The following SCNN1B variants were observed in gnomAD, a reference collection of about 807,000 sequenced individuals.
SCNN1B encodes sodium channel epithelial 1 subunit beta, also known as epithelial sodium channel subunit beta.
In SCNN1B, 46 loss-of-function variants were observed where a neutral mutation model predicts 65.3. The observed-to-expected ratio is 0.70, with a 90% CI of 0.56 to 0.90. SCNN1B has a LOEUF of 0.90. Ranked by LOEUF, SCNN1B falls within the 40% of genes least tolerant of loss-of-function variation. The pLI is 0.00. For synonymous variants in SCNN1B, 349 were observed against 330.6 expected (o/e 1.06, Z -0.60); for missense variants, 751 against 830.5 (o/e 0.90, Z 1.18).
At chr16:23,365,620 A>AGAAAGAAAGAGAAAGAAAGAAAGAAAG (rs11399911) in intron 4 of SCNN1B, among the ~76,000 whole-genome samples, 3 of 80,502 alleles carry the variant, frequency 3.7e-5, no homozygotes, top group African/African-American at 1.3e-4. Flanking sequence ...AAAGAAAGAA[A>AGAAAGAAAGAGAAAGAAAGAAAGAAAG]AAAGAAAGAA....
In SCNN1B at chr16:23,380,277, A is replaced by C; in HGVS notation, c.1542+108A>C. ...CTATGAAGGAATTAGGAAGATCCCT[A>C]AGACAGTCCCAAGTTATTCCCCTGG... is the stretch of plus-strand genomic sequence containing the variant. On this transcript the variant is annotated intron_variant, in intron 12 of 12. Transcript: ENST00000343070. This position sits in a 1 kb window ranked among gnomAD's most constrained non-coding sequence, Gnocchi z 5.4. 1 of 1,495,552 alleles carries C rather than the reference A, an allele frequency of 6.7e-7. No homozygotes were observed. Among genetic ancestry groups the C allele is most frequent in the Non-Finnish European group, 9.3e-7 (1 of 1,073,994 alleles). The allele number at this position is 1,495,552 out of a possible 1,614,324, so 92.6% of individuals were successfully genotyped here.
intron 1 of SCNN1B, among the ~76,000 whole-genome samples, chr16:23,329,763 C>G (rs1387880138): frequency 6.6e-6 from 1 of 152,126 alleles, no homozygotes; most frequent in Non-Finnish European, 1.5e-5. Flanking sequence ...TTTTTCCATA[C>G]TGGGGGTCAT....
Position 23,362,704 on chromosome 16 carries a change from TG to T in SCNN1B, c.777-5150del, listed in dbSNP as rs72654333. The stretch of plus-strand genomic sequence containing the variant: ...GGCACGCACGTGGAGACCAAGAGCA[TG>T]GCGCGGGCAGGAGGGGACCTGGCCA... On this transcript the variant is annotated intron_variant, in intron 4 of 12. Transcript: ENST00000343070. Among the ~76,000 whole-genome samples, 656 of 152,332 alleles carry T rather than the reference TG, an allele frequency of 4.3e-3. 4 individuals carry two copies. Among genetic ancestry groups the T allele is most frequent in the African/African-American group, 0.015 (624 of 41,572 alleles).
At chr16:23,287,881 G>A (rs1399069266) in intron 2 of SCNN1B, among the ~76,000 whole-genome samples, 1 of 150,038 alleles carries the variant, frequency 6.7e-6, no homozygotes, top group Non-Finnish European at 1.5e-5. Flanking sequence ...CTGGGTTGAA[G>A]CAGTGACTCA....
chr16:23,345,850 T>G (rs1359084364), intron 1 of SCNN1B, among the ~76,000 whole-genome samples: 2 of 151,480 alleles, frequency 1.3e-5, no homozygotes, highest in Admixed American at 6.6e-5. Flanking sequence ...GGGGTGAGGG[T>G]CCAGCCTGAA....
intron 5 of SCNN1B, among the ~76,000 whole-genome samples, 186 bp downstream of exon 5, chr16:23,368,145 C>T (rs1235915897): frequency 1.3e-5 from 2 of 152,196 alleles, no homozygotes; most frequent in Non-Finnish European, 2.9e-5. Context: ...CTCAGCCATT[C>T]CCGCCCACAA....
chr16:23,343,439 CAA>C (rs1206703551), intron 1 of SCNN1B, among the ~76,000 whole-genome samples: 1 of 118,314 alleles, frequency 8.5e-6, no homozygotes, highest in Admixed American at 1.0e-4. Context: ...GCAACAAGAG[CAA>C]AAGTTTGCCA....
chr16:23,281,490 T>G (rs1479151112), intron 1 of SCNN1B, among the ~76,000 whole-genome samples: 1 of 152,168 alleles, frequency 6.6e-6, no homozygotes, highest in Admixed American at 6.5e-5. Context: ...ACATAACAGC[T>G]GTTCAGTAAA....
intron 10 of SCNN1B, 105 bp downstream of exon 10, chr16:23,377,491 C>G: frequency 4.2e-6 from 4 of 953,904 alleles, no homozygotes; most frequent in Non-Finnish European, 6.7e-6. Context: ...GCCTTTTTCC[C>G]TCCCTCCTTC....
intron 1 of SCNN1B, among the ~76,000 whole-genome samples, chr16:23,280,462 A>AC (rs1045005836): frequency 3.3e-4 from 50 of 152,058 alleles, no homozygotes; most frequent in Admixed American, 1.5e-3. Context: ...CAAGCAATCC[A>AC]CCTGCCTTGG....
rs570415382 is a variant in SCNN1B at position 23,360,030 on chromosome 16, C to T, written c.776+4541C>T. 1.1e-4 allele frequency among the ~76,000 whole-genome samples: 16 copies of T among 151,876 alleles called. No homozygotes were observed. The South Asian group carries it at 2.7e-3, about 26-fold the overall frequency. On this transcript the variant is annotated intron_variant, in intron 4 of 12. Transcript: ENST00000343070. ...CCAGCCTGGCAAACATAGTGAAACC[C>T]CATCTCTACTAAAAATACAAAAATT...
chr16:23,333,107 AAGGGAGGGAGGGAGGG>A (rs199830141), intron 1 of SCNN1B, among the ~76,000 whole-genome samples: 31 of 106,906 alleles, frequency 2.9e-4, no homozygotes, highest in Admixed American at 2.3e-3. Context: ...GGAAGGAAGG[AAGGGAGGGAGGGAGGG>A]AGGGAGGGAG....
At chr16:23,358,644 T>C (rs1220521855) in intron 4 of SCNN1B, 1 of 152,240 alleles carries the variant, frequency 6.6e-6, no homozygotes, top group Non-Finnish European at 1.5e-5. Context: ...CAGTGGCTCA[T>C]GCCTATAATC....
intron 2 of SCNN1B, among the ~76,000 whole-genome samples, chr16:23,288,222 T>G (rs1441323685): frequency 6.6e-6 from 1 of 152,060 alleles, no homozygotes; most frequent in Non-Finnish European, 1.5e-5. Flanking sequence ...AGCTAGGATA[T>G]ATCTATAAAA....
At chr16:23,331,539 C>T (rs1224906268) in intron 1 of SCNN1B, among the ~76,000 whole-genome samples, 1 of 151,878 alleles carries the variant, frequency 6.6e-6, no homozygotes, top group Non-Finnish European at 1.5e-5. Flanking sequence ...AGGCTGGTCT[C>T]GAACTCTTGA....
In SCNN1B at chr16:23,381,102, G is replaced by A; in HGVS notation, c.*301G>A. 2.2e-6 allele frequency: 1 copy of A among 455,146 alleles called. No homozygotes were observed. The highest frequency in any genetic ancestry group is 2.3e-5 in the South Asian group (1 of 44,130). 28.2% of individuals were successfully genotyped at this position (455,146 alleles called of 1,614,324 possible). A position where few individuals can be genotyped will look rare whatever the true frequency, so the allele number is the denominator to read the frequency against. On this transcript the variant is annotated 3_prime_UTR_variant, in exon 13 of 13. Transcript: ENST00000343070. ...CTCGGAACACCCTCTCCTGGTGGCAGGCCACTTCCCTCCCAGTGCCAGTCT... is the reference window on the plus strand; with the variant it reads ...CTCGGAACACCCTCTCCTGGTGGCAAGCCACTTCCCTCCCAGTGCCAGTCT...
chr16:23,364,779 C>A (rs1962614780), intron 4 of SCNN1B, among the ~76,000 whole-genome samples: 1 of 151,990 alleles, frequency 6.6e-6, no homozygotes, highest in Non-Finnish European at 1.5e-5. Context: ...CACCTGAGGT[C>A]AGGAGTTCAA....
chr16:23,318,866 C>A (rs911101190), intron 1 of SCNN1B, among the ~76,000 whole-genome samples: 2 of 152,218 alleles, frequency 1.3e-5, no homozygotes, highest in African/African-American at 2.4e-5. Context: ...AACCTGAAGT[C>A]TTTGGCCTAG....
upstream of SCNN1B, among the ~76,000 whole-genome samples, chr16:23,301,103 C>T (rs1961072235): frequency 6.6e-6 from 1 of 151,856 alleles, no homozygotes; most frequent in African/African-American, 2.4e-5. Flanking sequence ...GTGGCTCACA[C>T]CTGTAATCCC....
Sources: allele counts gnomAD v4.1 joint callset (sites outside exome capture counted in the v4.1 genomes callset), GRCh38; gene constraint gnomAD v4.1.1; non-coding constraint Gnocchi (gnomAD v3.1); transcripts MANE v1.5; gene names NCBI Gene and HGNC (gene_info 2026-07-23, HGNC 2026-07-21).